The following PABPC4L variants were observed in gnomAD, a reference collection of about 807,000 sequenced individuals.
PABPC4L encodes the protein poly(A) binding protein cytoplasmic 4 like, also known as polyadenylate-binding protein 4-like.
For synonymous variants in PABPC4L, 169 were observed against 164.1 expected, an observed-to-expected ratio of 1.03 and a Z score of -0.23; for missense variants, 452 against 451.4, an observed-to-expected ratio of 1.00 and a Z score of -0.01.
the PABPC4L span, among the ~76,000 whole-genome samples, chr4:133,996,856 A>C: frequency 6.6e-6 from 1 of 152,144 alleles, no homozygotes; most frequent in South Asian, 2.1e-4. Flanking sequence ...ATTTGTAGGT[A>C]ATTAACATTG....
At chr4:134,010,788 C>T in the PABPC4L span, 1 of 152,208 alleles carries the variant, frequency 6.6e-6, no homozygotes, top group Admixed American at 6.5e-5. Context: ...AAGTAACAAA[C>T]CACAAGAGGA....
chr4:134,183,444 G>C, the PABPC4L span, among the ~76,000 whole-genome samples: 11 of 151,332 alleles, frequency 7.3e-5, no homozygotes, highest in Non-Finnish European at 5.9e-5. Context: ...CAACAGACAC[G>C]GGGGCCTACT....
At chr4:134,157,211 T>C in the PABPC4L span, among the ~76,000 whole-genome samples, 1 of 151,804 alleles carries the variant, frequency 6.6e-6, no homozygotes, top group African/African-American at 2.4e-5. Flanking sequence ...GAATTTTTTG[T>C]TTTCAAATTT....
At chr4:134,193,344 A>G (rs1178050514), downstream of PABPC4L, among the ~76,000 whole-genome samples, 3 of 151,976 alleles carry the variant, frequency 2.0e-5, no homozygotes, top group Non-Finnish European at 4.4e-5. Context: ...ATCCTAAAAT[A>G]CAAAAAAGCA....
At chr4:133,961,414 C>A in the PABPC4L span, among the ~76,000 whole-genome samples, 1 of 152,168 alleles carries the variant, frequency 6.6e-6, no homozygotes, top group African/African-American at 2.4e-5. Context: ...CTGCATCCAC[C>A]TTGAAACACG....
At chr4:134,011,680 C>G in the PABPC4L span, among the ~76,000 whole-genome samples, 1 of 151,228 alleles carries the variant, frequency 6.6e-6, no homozygotes, top group Admixed American at 6.6e-5. Flanking sequence ...TAACGCCAAA[C>G]TTTTTGAAGA....
the PABPC4L span, among the ~76,000 whole-genome samples, chr4:134,165,026 G>T: frequency 6.6e-6 from 1 of 152,062 alleles, no homozygotes; most frequent in Non-Finnish European, 1.5e-5. Flanking sequence ...AACATAAACT[G>T]GGGAAAGGAC....
downstream of PABPC4L, among the ~76,000 whole-genome samples, chr4:134,193,404 A>G (rs1729567983): frequency 6.6e-6 from 1 of 151,962 alleles, no homozygotes; most frequent in African/African-American, 2.4e-5. Flanking sequence ...TTTTAAAAAT[A>G]TAAATATTTG....
the PABPC4L span, among the ~76,000 whole-genome samples, chr4:134,115,819 T>C: frequency 4.5e-4 from 68 of 151,744 alleles, no homozygotes; most frequent in African/African-American, 1.6e-3. Flanking sequence ...AACATCTGAA[T>C]CAGAATAATA....
At chr4:134,103,279 T>C in the PABPC4L span, among the ~76,000 whole-genome samples, 7 of 151,670 alleles carry the variant, frequency 4.6e-5, no homozygotes, top group Non-Finnish European at 1.0e-4. Context: ...TTTCCCAAAA[T>C]ATTTTTTGCA....
the PABPC4L span, among the ~76,000 whole-genome samples, chr4:134,014,002 G>A: frequency 6.6e-6 from 1 of 152,096 alleles, no homozygotes; most frequent in Non-Finnish European, 1.5e-5. Context: ...TAAAGGCATA[G>A]TCAAGGTTAA....
the PABPC4L span, among the ~76,000 whole-genome samples, chr4:134,059,977 ACTCC>A: frequency 6.6e-6 from 1 of 151,930 alleles, no homozygotes; most frequent in Non-Finnish European, 1.5e-5. Context: ...GGCTGATGCC[ACTCC>A]CTCCCACATA....
the PABPC4L span, among the ~76,000 whole-genome samples, chr4:134,151,774 A>T: frequency 4.6e-5 from 7 of 152,064 alleles, no homozygotes; most frequent in African/African-American, 1.7e-4. Flanking sequence ...CCATTTTCAT[A>T]GCAAATTTAA....
the PABPC4L span, among the ~76,000 whole-genome samples, chr4:134,025,565 T>A: frequency 6.6e-6 from 1 of 152,114 alleles, no homozygotes; most frequent in African/African-American, 2.4e-5. Flanking sequence ...ATGAGCAAAA[T>A]TATTTTCAGT....
the PABPC4L span, among the ~76,000 whole-genome samples, chr4:134,084,862 C>G: frequency 6.6e-6 from 1 of 151,874 alleles, no homozygotes; most frequent in Non-Finnish European, 1.5e-5. Context: ...CATCACAAGA[C>G]AGGGAAAGAT....
chr4:133,963,769 C>T, the PABPC4L span, among the ~76,000 whole-genome samples: 1 of 151,944 alleles, frequency 6.6e-6, no homozygotes, highest in Non-Finnish European at 1.5e-5. Context: ...AAAAATTCTT[C>T]AAACTGAATG....
chr4:134,155,226 A>G, the PABPC4L span, among the ~76,000 whole-genome samples: 1 of 152,022 alleles, frequency 6.6e-6, no homozygotes, highest in African/African-American at 2.4e-5. Context: ...TTTATTTTAT[A>G]TTTCTGTGTA....
At chr4:134,158,054 C>T in the PABPC4L span, among the ~76,000 whole-genome samples, 2 of 151,720 alleles carry the variant, frequency 1.3e-5, no homozygotes, top group South Asian at 2.1e-4. Flanking sequence ...GAAGAATATC[C>T]TTAGTCCTCT....
At chr4:134,016,993 G>T in the PABPC4L span, among the ~76,000 whole-genome samples, 1 of 152,074 alleles carries the variant, frequency 6.6e-6, no homozygotes, top group Non-Finnish European at 1.5e-5. Context: ...TTTCCTACAA[G>T]GTCTGAGAAG....
Sources: gnomAD v4.1 joint callset for allele counts (sites outside exome capture counted in the v4.1 genomes callset) on GRCh38, gnomAD v4.1.1 for gene constraint, MANE v1.5 for transcripts, NCBI Gene and HGNC (gene_info 2026-07-23, HGNC 2026-07-21) for gene names.